The following TMPRSS15 variants were observed in gnomAD, a reference collection of about 807,000 sequenced individuals.
The protein encoded by TMPRSS15 is enteropeptidase.
A neutral mutation model predicts 125.3 loss-of-function variants in TMPRSS15; 128 were observed. The observed-to-expected ratio is 1.02, with a 90% CI of 0.89 to 1.18. The LOEUF (loss-of-function observed/expected upper bound fraction) is 1.18. Among genes scored for constraint, TMPRSS15 ranks in the 50% most tolerant of loss-of-function variants. The probability of loss-of-function intolerance (pLI) is 0.00; values close to 1 mark genes in which losing one functional copy is unlikely to be tolerated. For missense variants in TMPRSS15, 1,283 were observed against 1,212.7 expected, an observed-to-expected ratio of 1.06 and a Z score of -0.86; for synonymous variants, 446 against 423.2, an observed-to-expected ratio of 1.05 and a Z score of -0.66.
intron 21 of TMPRSS15, among the ~76,000 whole-genome samples, chr21:18,291,064 G>A (rs2074828033): frequency 6.6e-6 from 1 of 152,226 alleles, no homozygotes; most frequent in African/African-American, 2.4e-5. Context: ...TGCAGGAACT[G>A]CAACACAATC....
chr21:18,465,315 G>C (rs1001412093), intron 1 of TMPRSS15, among the ~76,000 whole-genome samples: 9 of 152,234 alleles, frequency 5.9e-5, no homozygotes, highest in Admixed American at 5.2e-4. Flanking sequence ...TACAGAGTGG[G>C]AAAAAGCTGG....
At chr21:18,343,483 A>G (rs1182008314) in intron 12 of TMPRSS15, 23 bp downstream of exon 12, 2 of 1,562,748 alleles carry the variant, frequency 1.3e-6, no homozygotes, top group Non-Finnish European at 1.8e-6. Flanking sequence ...ATACAAATAT[A>G]AATAATAAAG....
chr21:18,363,270 T>A (rs535851341), intron 7 of TMPRSS15, among the ~76,000 whole-genome samples: 32 of 152,246 alleles, frequency 2.1e-4, no homozygotes, highest in Admixed American at 5.2e-4. Flanking sequence ...TTCAGGTTTT[T>A]AAAATAATCC....
rs550632511 is a variant in TMPRSS15 at position 18,356,334 on chromosome 21, C to T, written c.881-2471G>A. ...TATCCAATTTATAAGAGTGAAAATG[C>T]GGCAACTAGAGTACCATCTTTATTA... On this transcript the variant is annotated intron_variant, in intron 8 of 24. Coordinates refer to ENST00000284885, the MANE Select transcript of TMPRSS15 (RefSeq NM_002772.3). 4.9e-4 allele frequency among the ~76,000 whole-genome samples: 74 copies of T among 151,696 alleles called. No homozygotes were observed. In the East Asian group the frequency reaches 8.5e-3, roughly 17 times the overall value.
chr21:18,317,442 T>A (rs1208676863), intron 16 of TMPRSS15, among the ~76,000 whole-genome samples: 2 of 134,386 alleles, frequency 1.5e-5, no homozygotes, highest in Admixed American at 7.6e-5. Context: ...GGGGGGGTGT[T>A]TTTATGGGGG....
chr21:18,271,685 G>T (rs2074558729), intron 24 of TMPRSS15, among the ~76,000 whole-genome samples: 1 of 151,950 alleles, frequency 6.6e-6, no homozygotes, highest in African/African-American at 2.4e-5. Flanking sequence ...GTGCCATGGT[G>T]CTTTGCTGAA....
In TMPRSS15 at chr21:18,359,741, ATT is replaced by A. The variant is rs1569031622; in HGVS notation, c.880+14_880+15del. 8.5e-7 allele frequency: 1 copy of A among 1,178,182 alleles called. No homozygotes were observed. The highest frequency in any genetic ancestry group is 1.3e-6 in the Non-Finnish European group (1 of 789,418). 73.0% of individuals were successfully genotyped at this position (1,178,182 alleles called of 1,614,324 possible). The stretch of plus-strand genomic sequence containing the variant: ...TTTTCATTTTCATAAGTAATTGTAT[ATT>A]TGTTTCAACTTACCTCTTAAAATCT... On this transcript the variant is annotated intron_variant, in intron 8 of 24. Coordinates refer to ENST00000284885, the MANE Select transcript of TMPRSS15 (RefSeq NM_002772.3).
At chr21:18,275,572 G>A (rs1211315799) in intron 23 of TMPRSS15, among the ~76,000 whole-genome samples, 1 of 152,194 alleles carries the variant, frequency 6.6e-6, no homozygotes, top group Non-Finnish European at 1.5e-5. Flanking sequence ...GCTAGTAGGA[G>A]CGATGGATTA....
At chr21:18,449,200 C>T (rs924434184) in intron 1 of TMPRSS15, among the ~76,000 whole-genome samples, 58 of 152,194 alleles carry the variant, frequency 3.8e-4, no homozygotes, top group Admixed American at 7.9e-4. Flanking sequence ...GAAAATGTAG[C>T]ATTATATACA....
chr21:18,425,004 C>T (rs972800783), intron 1 of TMPRSS15, among the ~76,000 whole-genome samples: 2 of 149,520 alleles, frequency 1.3e-5, no homozygotes, highest in African/African-American at 5.0e-5. Flanking sequence ...TATATGAATA[C>T]ATATGAATTA....
intron 1 of TMPRSS15, among the ~76,000 whole-genome samples, chr21:18,438,268 C>T (rs7281102): frequency 0.56 from 79,795 of 141,960 alleles, 22,474 homozygotes; most frequent in African/African-American, 0.62. Flanking sequence ...TAGATGGGAA[C>T]TGAACAATGA....
At chr21:18,344,301 T>C (rs1429694838) in intron 10 of TMPRSS15, among the ~76,000 whole-genome samples, 2 of 152,192 alleles carry the variant, frequency 1.3e-5, no homozygotes, top group Non-Finnish European at 2.9e-5. Context: ...AGTCTTGAAG[T>C]GGAGTACCAC....
rs1283995150 is a variant in TMPRSS15, at chr21:18,409,855, T to C, written c.11-11526A>G. ...ACCCCTCCCTCCTTTCCCCCTTCCT[T>C]CCTTCCCTCCCTCCCTCCCTTCCCT... is the stretch of plus-strand genomic sequence containing the variant. On this transcript the variant is annotated intron_variant, in intron 1 of 7. Coordinates refer to the TMPRSS15 transcript ENST00000422787. Among the ~76,000 whole-genome samples, 98 of 85,744 alleles carry C rather than the reference T, an allele frequency of 1.1e-3. 3 individuals carry two copies. In the East Asian group the frequency reaches 0.031, roughly 27 times the overall value. 56.3% of individuals were successfully genotyped at this position (85,744 alleles called of 152,430 possible). A position where few individuals can be genotyped will look rare whatever the true frequency, so the allele number is the denominator to read the frequency against.
intron 14 of TMPRSS15, among the ~76,000 whole-genome samples, chr21:18,330,903 T>C (rs1057208778): frequency 6.6e-6 from 1 of 151,804 alleles, no homozygotes; most frequent in African/African-American, 2.4e-5. Flanking sequence ...AAACCCCGTC[T>C]CTACTAAAAA....
At chr21:18,444,858 C>T (rs79751789) in intron 1 of TMPRSS15, among the ~76,000 whole-genome samples, 1,784 of 152,196 alleles carry the variant, frequency 0.012, 38 homozygotes, top group African/African-American at 0.041. Context: ...CCCTTACCTC[C>T]TCTCCTTCCA....
Position 18,359,863 on chromosome 21 carries a change from A to G in TMPRSS15, c.774T>C (p.Arg258=). 3 of 1,447,540 alleles carry G rather than the reference A, an allele frequency of 2.1e-6. No homozygotes were observed. The highest frequency in any genetic ancestry group is 1.7e-5 in the Admixed American group (1 of 59,200). 89.7% of individuals were successfully genotyped at this position (1,447,540 alleles called of 1,614,324 possible). A position where few individuals can be genotyped will look rare whatever the true frequency, so the allele number is the denominator to read the frequency against. ...ETSVVCQWII[R]VNQGLSIKLS... ...GTTTAATGGAAAGTCCTTGGTTTAC[A>G]CTAAATTAAAAGCAAAAAATAGATT... is the stretch of plus-strand genomic sequence containing the variant. Residue 258 remains arginine, a splice_region_variant and synonymous_variant, in exon 8 of 25, where the codon CGT becomes CGC. Coordinates refer to ENST00000284885, the MANE Select transcript of TMPRSS15 (RefSeq NM_002772.3).
intron 13 of TMPRSS15, among the ~76,000 whole-genome samples, chr21:18,339,202 CAT>C (rs138008409): frequency 0.05 from 7,618 of 152,098 alleles, 262 homozygotes; most frequent in Non-Finnish European, 0.071. Context: ...TATTGAGTAA[CAT>C]ATATATCTCA....
chr21:18,278,378 T>A (rs1406480131), intron 23 of TMPRSS15, among the ~76,000 whole-genome samples: 1 of 152,078 alleles, frequency 6.6e-6, no homozygotes, highest in African/African-American at 2.4e-5. Flanking sequence ...CAAAAGAATA[T>A]AGTTTTATAA....
At chr21:18,345,085 A>G (rs1433158615) in intron 10 of TMPRSS15, among the ~76,000 whole-genome samples, 1 of 152,244 alleles carries the variant, frequency 6.6e-6, no homozygotes, top group Non-Finnish European at 1.5e-5. Context: ...GCATATTTAG[A>G]CCAGTGAGGC....
Sources: gnomAD v4.1 joint callset for allele counts (sites outside exome capture counted in the v4.1 genomes callset) on GRCh38, gnomAD v4.1.1 for gene constraint, MANE v1.5 for transcripts, NCBI Gene and HGNC (gene_info 2026-07-23, HGNC 2026-07-21) for gene names.